The following LRRTM4 variants were observed in gnomAD, a reference collection of about 807,000 sequenced individuals.
LRRTM4 encodes leucine rich repeat transmembrane neuronal 4.
A neutral mutation model predicts 47.6 loss-of-function variants in LRRTM4; 25 were observed. The observed-to-expected ratio is 0.53, with a 90% CI of 0.38 to 0.73. The LOEUF (loss-of-function observed/expected upper bound fraction) is 0.73, where lower values mean the gene tolerates loss of function less well. Among genes scored for constraint, LRRTM4 ranks in the 30% least tolerant of loss-of-function variants. LRRTM4 has a pLI of 0.00. For missense variants in LRRTM4, 638 were observed against 713.4 expected (o/e 0.89, Z 1.20); for synonymous variants, 311 against 269.5 (o/e 1.15, Z -1.51).
intron 3 of LRRTM4, among the ~76,000 whole-genome samples, chr2:76,904,282 C>A (rs917958921): frequency 6.6e-6 from 1 of 152,156 alleles, no homozygotes; most frequent in Non-Finnish European, 1.5e-5. Context: ...TGTTTGAGAA[C>A]CACGTTTTTT....
chr2:77,282,603 G>A (rs1023258039), intron 3 of LRRTM4, among the ~76,000 whole-genome samples: 1 of 151,654 alleles, frequency 6.6e-6, no homozygotes, highest in Admixed American at 6.6e-5. Context: ...ATACTATAAG[G>A]CTACAGTAAA....
At chr2:77,375,194 T>G (rs186911552) in intron 3 of LRRTM4, among the ~76,000 whole-genome samples, 3 of 151,824 alleles carry the variant, frequency 2.0e-5, no homozygotes, top group Non-Finnish European at 2.9e-5. Flanking sequence ...TTAACTTAAT[T>G]TTTAAAATGT....
At chr2:77,503,999 G>A (rs1350190183) in intron 3 of LRRTM4, among the ~76,000 whole-genome samples, 1 of 151,602 alleles carries the variant, frequency 6.6e-6, no homozygotes, top group East Asian at 1.9e-4. Flanking sequence ...GAGAAAAGTA[G>A]ACTGGGGTAG....
intron 3 of LRRTM4, among the ~76,000 whole-genome samples, chr2:76,895,567 C>T (rs1386063051): frequency 1.3e-5 from 2 of 152,050 alleles, no homozygotes; most frequent in Non-Finnish European, 2.9e-5. Flanking sequence ...AACAGCCAGA[C>T]TGCTAGAGAT....
At chr2:76,992,824 T>C (rs1205752185) in intron 3 of LRRTM4, among the ~76,000 whole-genome samples, 2 of 112,704 alleles carry the variant, frequency 1.8e-5, no homozygotes, top group African/African-American at 7.9e-5. Context: ...AAAGAAATCC[T>C]GAGGAAAAAA....
At chr2:77,247,319 C>A (rs1308338318) in intron 3 of LRRTM4, among the ~76,000 whole-genome samples, 3 of 152,084 alleles carry the variant, frequency 2.0e-5, no homozygotes, top group African/African-American at 7.2e-5. Context: ...TGAGTACCTG[C>A]AGTTTTTATT....
At chr2:77,123,995 T>C (rs1441143283) in intron 3 of LRRTM4, among the ~76,000 whole-genome samples, 1 of 152,120 alleles carries the variant, frequency 6.6e-6, no homozygotes, top group Non-Finnish European at 1.5e-5. Flanking sequence ...ATGTTTCCAC[T>C]ATGGGCTAAT....
chr2:77,124,736 C>T (rs568011784), intron 3 of LRRTM4, among the ~76,000 whole-genome samples: 2 of 152,184 alleles, frequency 1.3e-5, no homozygotes, highest in South Asian at 2.1e-4. Context: ...TGATGTGCGT[C>T]GCGTGTTTTC....
At chr2:76,991,015 C>T (rs991573095) in intron 3 of LRRTM4, among the ~76,000 whole-genome samples, 8 of 151,662 alleles carry the variant, frequency 5.3e-5, no homozygotes, top group African/African-American at 1.9e-4. Flanking sequence ...CACACAGTTA[C>T]ATGAAATTAA....
chr2:77,046,963 G>C (rs766482195), intron 3 of LRRTM4, among the ~76,000 whole-genome samples: 1 of 151,998 alleles, frequency 6.6e-6, no homozygotes, highest in African/African-American at 2.4e-5. Flanking sequence ...TGTTCTGCAT[G>C]AGCATATTCT....
chr2:77,103,874 C>G (rs56242614), intron 3 of LRRTM4, among the ~76,000 whole-genome samples: 64,895 of 151,270 alleles, frequency 0.43, 16,918 homozygotes, highest in African/African-American at 0.72. Context: ...AAGAAGAAAG[C>G]CTATTCTCCT....
intron 3 of LRRTM4, among the ~76,000 whole-genome samples, chr2:77,004,407 C>G (rs1458362872): frequency 6.6e-6 from 1 of 152,148 alleles, no homozygotes; most frequent in African/African-American, 2.4e-5. Flanking sequence ...GGTGCAAGCT[C>G]CAAGCCTCAG....
chr2:77,175,588 A>G (rs1361618675), intron 3 of LRRTM4, among the ~76,000 whole-genome samples: 1 of 152,084 alleles, frequency 6.6e-6, no homozygotes, highest in Non-Finnish European at 1.5e-5. Context: ...TAAATCATGT[A>G]CTTGATGCAA....
intron 3 of LRRTM4, among the ~76,000 whole-genome samples, chr2:76,806,595 T>A (rs916971258): frequency 2.2e-5 from 3 of 134,316 alleles, no homozygotes; most frequent in Admixed American, 7.6e-5. Context: ...ACATTTTTTT[T>A]AAAAAGAAAA....
chr2:77,213,731 C>A (rs986544578), intron 3 of LRRTM4, among the ~76,000 whole-genome samples: 1 of 152,130 alleles, frequency 6.6e-6, no homozygotes, highest in African/African-American at 2.4e-5. Context: ...GGATAGGTTA[C>A]ACTAATCTCT....
intron 3 of LRRTM4, among the ~76,000 whole-genome samples, chr2:76,789,531 T>C (rs990563156): frequency 1.3e-5 from 2 of 152,172 alleles, no homozygotes; most frequent in Admixed American, 6.6e-5. Flanking sequence ...TGAGGGTTTG[T>C]TTCTGAGGTC....
At chr2:76,820,105 A>G (rs1233406040) in intron 3 of LRRTM4, among the ~76,000 whole-genome samples, 1 of 151,830 alleles carries the variant, frequency 6.6e-6, no homozygotes, top group Admixed American at 6.6e-5. Context: ...TAATTCTTCA[A>G]CTCCCATTCT....
chr2:77,207,180 T>C (rs1674150234), intron 3 of LRRTM4, among the ~76,000 whole-genome samples: 1 of 144,804 alleles, frequency 6.9e-6, no homozygotes, highest in Admixed American at 6.9e-5. Context: ...TTTCAATTGA[T>C]AACAAACAAA....
rs1678013761 is a variant in LRRTM4 at position 77,015,165 on chromosome 2, C to T, written c.1552-266249G>A. 2.0e-5 allele frequency among the ~76,000 whole-genome samples: 3 copies of T among 152,084 alleles called. No individual in the cohort carries two copies. In the South Asian group the frequency reaches 6.2e-4, roughly 31 times the overall value. On this transcript the variant is annotated intron_variant, in intron 3 of 3. Coordinates refer to ENST00000409884, the MANE Select transcript of LRRTM4 (RefSeq NM_001134745.3). ...TGCATAGCAGCTTTGCTTATATCCACAGTTCCAGTCAACCCTTCTGGATGG... is the reference window on the plus strand; with the variant it reads ...TGCATAGCAGCTTTGCTTATATCCATAGTTCCAGTCAACCCTTCTGGATGG...
Sources: allele counts gnomAD v4.1 joint callset (sites outside exome capture counted in the v4.1 genomes callset), GRCh38; gene constraint gnomAD v4.1.1; transcripts MANE v1.5; gene names NCBI Gene and HGNC (gene_info 2026-07-23, HGNC 2026-07-21).